GPC5: variants seen among roughly 807,000 people sequenced by gnomAD.
GPC5 encodes the protein glypican 5, also known as glypican-5.
A neutral mutation model predicts 53.9 loss-of-function variants in GPC5; 47 were observed. The observed-to-expected ratio is 0.87, with a 90% confidence interval of 0.69 to 1.11. GPC5 has a LOEUF of 1.11. Among genes scored for constraint, GPC5 ranks in the 50% most tolerant of loss-of-function variants. The pLI is 0.00. For synonymous variants in GPC5, 286 were observed against 263.3 expected, an observed-to-expected ratio of 1.09 and a Z score of -0.84; for missense variants, 748 against 713.1, an observed-to-expected ratio of 1.05 and a Z score of -0.56.
At chr13:92,731,099 A>T (rs1594461863) in intron 7 of GPC5, among the ~76,000 whole-genome samples, 1 of 151,282 alleles carries the variant, frequency 6.6e-6, no homozygotes, top group Admixed American at 6.6e-5. Flanking sequence ...CTGGTAATCC[A>T]CTCCCACCAC....
intron 5 of GPC5, among the ~76,000 whole-genome samples, chr13:91,762,382 A>G (rs2037431688): frequency 6.6e-6 from 1 of 150,666 alleles, no homozygotes. Context: ...TTTCTTCCTG[A>G]CCTTACAGCA....
chr13:92,281,976 C>A (rs905480055), intron 7 of GPC5, among the ~76,000 whole-genome samples: 1 of 152,126 alleles, frequency 6.6e-6, no homozygotes, highest in Non-Finnish European at 1.5e-5. Flanking sequence ...TCAATCCCAA[C>A]ACAAAGAAGC....
At chr13:91,555,787 A>C (rs891891982) in intron 2 of GPC5, among the ~76,000 whole-genome samples, 9 of 152,050 alleles carry the variant, frequency 5.9e-5, no homozygotes, top group African/African-American at 1.7e-4. Flanking sequence ...CAGCAGGCAA[A>C]AGAGAATGAG....
chr13:92,069,463 C>A (rs2041193614), intron 6 of GPC5, among the ~76,000 whole-genome samples: 1 of 149,676 alleles, frequency 6.7e-6, no homozygotes, highest in African/African-American at 2.5e-5. Flanking sequence ...TTGGGATTTT[C>A]TATATGCATA....
At chr13:92,203,407 T>C (rs1462740864) in intron 7 of GPC5, among the ~76,000 whole-genome samples, 1 of 136,848 alleles carries the variant, frequency 7.3e-6, no homozygotes, top group Non-Finnish European at 1.5e-5. Flanking sequence ...AAACACCACA[T>C]ATTCTCACTC....
chr13:92,070,429 G>A (rs979223734), intron 6 of GPC5, among the ~76,000 whole-genome samples: 2 of 152,018 alleles, frequency 1.3e-5, no homozygotes, highest in Non-Finnish European at 2.9e-5. Flanking sequence ...TTATTAATCT[G>A]CCCGAAAATT....
At chr13:91,708,252 A>T (rs9589341) in intron 3 of GPC5, among the ~76,000 whole-genome samples, 71 of 152,196 alleles carry the variant, frequency 4.7e-4, no homozygotes, top group African/African-American at 1.7e-3. Context: ...CTGATTGCTT[A>T]AGTTTACGTT....
intron 1 of GPC5, among the ~76,000 whole-genome samples, chr13:91,433,826 A>T (rs1201734668): frequency 6.6e-6 from 1 of 151,964 alleles, no homozygotes; most frequent in Non-Finnish European, 1.5e-5. Flanking sequence ...AACAGTGTAA[A>T]AGTGTTCCTA....
intron 7 of GPC5, among the ~76,000 whole-genome samples, chr13:92,745,639 A>G (rs1271095447): frequency 6.6e-6 from 1 of 152,104 alleles, no homozygotes; most frequent in Non-Finnish European, 1.5e-5. Flanking sequence ...AGTCTTGCTT[A>G]CCACTATTAT....
chr13:92,562,926 C>A (rs1882742798), intron 7 of GPC5, among the ~76,000 whole-genome samples: 1 of 151,878 alleles, frequency 6.6e-6, no homozygotes, highest in Non-Finnish European at 1.5e-5. Context: ...TGTACCCTAG[C>A]AGGGTAGCAT....
chr13:92,214,905 A>T (rs865998116), intron 7 of GPC5, among the ~76,000 whole-genome samples: 5 of 152,136 alleles, frequency 3.3e-5, no homozygotes, highest in South Asian at 2.1e-4. Flanking sequence ...AAGACAGAGG[A>T]AGGCCAGGAG....
chr13:91,942,963 A>C (rs946495786), intron 6 of GPC5, among the ~76,000 whole-genome samples: 4 of 152,260 alleles, frequency 2.6e-5, no homozygotes, highest in Admixed American at 2.0e-4. Flanking sequence ...ATAAATGATA[A>C]ATAATTATAT....
At chr13:92,827,385 A>C (rs1877887898) in intron 7 of GPC5, among the ~76,000 whole-genome samples, 1 of 152,118 alleles carries the variant, frequency 6.6e-6, no homozygotes, top group Admixed American at 6.6e-5. Flanking sequence ...GTGTAGCAAA[A>C]ATATTTCTGG....
chr13:92,050,668 A>G (rs1289073279), intron 6 of GPC5, among the ~76,000 whole-genome samples: 4 of 152,206 alleles, frequency 2.6e-5, no homozygotes, highest in African/African-American at 9.6e-5. Flanking sequence ...AATTTTTACA[A>G]TGTGTAATTT....
chr13:91,954,027 A>AT (rs1271127716), intron 6 of GPC5, among the ~76,000 whole-genome samples: 1 of 152,202 alleles, frequency 6.6e-6, no homozygotes, highest in East Asian at 1.9e-4. Context: ...AGGAAAAAAA[A>AT]CTTTCTTATG....
intron 5 of GPC5, among the ~76,000 whole-genome samples, chr13:91,789,830 T>G (rs887047985): frequency 1.6e-4 from 25 of 152,156 alleles, no homozygotes; most frequent in African/African-American, 5.6e-4. Context: ...AGTTTAAGCT[T>G]GGATAGCTGC....
chr13:92,754,555 A>T (rs1427623702), intron 7 of GPC5, among the ~76,000 whole-genome samples: 6 of 151,556 alleles, frequency 4.0e-5, no homozygotes, highest in African/African-American at 1.5e-4. Flanking sequence ...AAGAGTCAAG[A>T]CCCAACAGTG....
intron 7 of GPC5, among the ~76,000 whole-genome samples, chr13:92,688,340 A>G (rs1214786067): frequency 6.2e-5 from 5 of 80,416 alleles, no homozygotes; most frequent in South Asian, 7.5e-4. Context: ...TAGATTTTCT[A>G]GTTTATTTGC....
chr13:92,030,720 C>A (rs1053997142), intron 6 of GPC5, among the ~76,000 whole-genome samples: 2 of 152,118 alleles, frequency 1.3e-5, no homozygotes, highest in African/African-American at 4.8e-5. Flanking sequence ...AAGACTGGCC[C>A]GTCTACTGGG....
Sources: allele counts gnomAD v4.1 joint callset (sites outside exome capture counted in the v4.1 genomes callset), GRCh38; gene constraint gnomAD v4.1.1; transcripts MANE v1.5; gene names NCBI Gene and HGNC (gene_info 2026-07-23, HGNC 2026-07-21).